The following ATL1 variants were observed in gnomAD, a reference collection of about 807,000 sequenced individuals.
ATL1 encodes the protein atlastin GTPase 1.
In ATL1, 31 loss-of-function variants were observed where a neutral mutation model predicts 75.5. The observed-to-expected ratio is 0.41, with a 90% CI of 0.31 to 0.55. ATL1 has a LOEUF of 0.55. Among genes scored for constraint, ATL1 ranks in the 20% least tolerant of loss-of-function variants. The pLI is 0.27. For missense variants in ATL1, 405 were observed against 662.6 expected, an observed-to-expected ratio of 0.61 and a Z score of 4.27; for synonymous variants, 226 against 233.3, an observed-to-expected ratio of 0.97 and a Z score of 0.28.
intron 6 of ATL1, among the ~76,000 whole-genome samples, chr14:50,597,488 C>T (rs772450963): frequency 1.1e-4 from 17 of 151,834 alleles, no homozygotes; most frequent in Non-Finnish European, 1.9e-4. Context: ...TATTTACTAC[C>T]GGAGAGGAGA....
At chr14:50,537,543 C>T (rs1004495899) in intron 1 of ATL1, among the ~76,000 whole-genome samples, 7 of 152,298 alleles carry the variant, frequency 4.6e-5, no homozygotes, top group African/African-American at 7.2e-5. Context: ...CAGCTTGCAC[C>T]GTGCACCTGG....
At chr14:50,572,915 G>T (rs1185402923) in intron 1 of ATL1, among the ~76,000 whole-genome samples, 2 of 152,088 alleles carry the variant, frequency 1.3e-5, no homozygotes, top group Non-Finnish European at 2.9e-5. Context: ...TGCATGGCTG[G>T]GGAGGCCTCA....
intron 1 of ATL1, among the ~76,000 whole-genome samples, chr14:50,538,049 G>A (rs2038516057): frequency 6.6e-6 from 1 of 152,208 alleles, no homozygotes; most frequent in African/African-American, 2.4e-5. Flanking sequence ...TGGTTTGGCT[G>A]TGTGCCCACC....
chr14:50,571,206 A>G (rs1383504600), intron 1 of ATL1, among the ~76,000 whole-genome samples: 2 of 152,162 alleles, frequency 1.3e-5, no homozygotes, highest in Non-Finnish European at 2.9e-5. Flanking sequence ...AGCAGCAATT[A>G]TCAACCAGAA....
At chr14:50,568,675 A>T (rs2038927021) in intron 1 of ATL1, among the ~76,000 whole-genome samples, 1 of 152,176 alleles carries the variant, frequency 6.6e-6, no homozygotes, top group South Asian at 2.1e-4. Flanking sequence ...CATTTAAAGT[A>T]ATTACTGATA....
chr14:50,601,306 A>G (rs1182085494), intron 6 of ATL1, among the ~76,000 whole-genome samples: 1 of 152,204 alleles, frequency 6.6e-6, no homozygotes, highest in East Asian at 1.9e-4. Flanking sequence ...TCAAGCTGTA[A>G]TCAAGCAAAC....
rs2039457117 is a variant in ATL1, at chr14:50,620,497, T to C, written c.863-102T>C. 7.1e-6 allele frequency: 9 copies of C among 1,269,354 alleles called. No homozygotes were observed. The Admixed American group carries it at 1.7e-4, about 24-fold the overall frequency. 78.6% of individuals were successfully genotyped at this position (1,269,354 alleles called of 1,614,324 possible). A position where few individuals can be genotyped will look rare whatever the true frequency, so the allele number is the denominator to read the frequency against. On this transcript the variant is annotated intron_variant, in intron 8 of 13. Transcript: ENST00000358385. ...GATGGGGAAGTGAGTGATGGCATTA[T>C]CACTGGGGAGGAAATGGGGGAGATC...
At chr14:50,552,130 A>C (rs2038710384) in intron 1 of ATL1, among the ~76,000 whole-genome samples, 1 of 152,158 alleles carries the variant, frequency 6.6e-6, no homozygotes, top group Non-Finnish European at 1.5e-5. Context: ...CTCATCCAAA[A>C]ATCTAGACCT....
chr14:50,535,503 C>T (rs766736136), intron 1 of ATL1, among the ~76,000 whole-genome samples: 1 of 152,184 alleles, frequency 6.6e-6, no homozygotes, highest in Non-Finnish European at 1.5e-5. Context: ...CTCTATAGAT[C>T]TGTTAAACAG....
chr14:50,570,954 C>T (rs2038949986), intron 1 of ATL1, among the ~76,000 whole-genome samples: 1 of 152,162 alleles, frequency 6.6e-6, no homozygotes, highest in Non-Finnish European at 1.5e-5. Context: ...CTTTTCTGAG[C>T]CTGTGCCTTT....
rs373451667 is a variant in ATL1 at position 50,599,874 on chromosome 14, A to C, written c.630+4242A>C. On this transcript the variant is annotated intron_variant, in intron 6 of 13. Coordinates refer to ENST00000358385, the MANE Select transcript of ATL1 (RefSeq NM_015915.5). ...TGTATGCTGTGATGAAGGGGTATGA[A>C]TTCTCCTGAGGGCTCAGGAACCTGG... is the stretch of plus-strand genomic sequence containing the variant. 6.6e-5 allele frequency among the ~76,000 whole-genome samples: 10 copies of C among 152,216 alleles called. No homozygotes were observed. In the South Asian group the frequency reaches 2.1e-3, roughly 32 times the overall value.
At chr14:50,534,237 CACTT>C (rs1257240868) in intron 1 of ATL1, among the ~76,000 whole-genome samples, 4 of 152,118 alleles carry the variant, frequency 2.6e-5, no homozygotes, top group Admixed American at 1.3e-4. Flanking sequence ...ACACAGAAAA[CACTT>C]ACTATAAAAC....
At chr14:50,549,021 C>T (rs1317500575) in intron 1 of ATL1, among the ~76,000 whole-genome samples, 2 of 152,176 alleles carry the variant, frequency 1.3e-5, no homozygotes, top group Non-Finnish European at 2.9e-5. Flanking sequence ...GCAGAAATGG[C>T]ATGCCTGTCT....
intron 1 of ATL1, among the ~76,000 whole-genome samples, chr14:50,543,093 T>TG (rs1172898907): frequency 6.6e-6 from 1 of 152,216 alleles, no homozygotes; most frequent in Non-Finnish European, 1.5e-5. Context: ...TACAAGAAGA[T>TG]CTGTTCTCCA....
At chr14:50,632,018 T>G in intron 13 of ATL1, 1 of 390,614 alleles carries the variant, frequency 2.6e-6, no homozygotes, top group South Asian at 3.6e-5. Context: ...AATAAAACAT[T>G]CACCACACAG....
intron 11 of ATL1, among the ~76,000 whole-genome samples, chr14:50,627,147 A>G (rs541140700): frequency 6.6e-6 from 1 of 152,226 alleles, no homozygotes; most frequent in African/African-American, 2.4e-5. Context: ...ACACCACCCT[A>G]ATCAGTCAGC....
intron 1 of ATL1, among the ~76,000 whole-genome samples, chr14:50,580,480 ATGTC>A (rs2039045297): frequency 6.6e-6 from 1 of 152,100 alleles, no homozygotes; most frequent in Admixed American, 6.6e-5. Context: ...AAATAATCAT[ATGTC>A]TGTCTCTGTT....
rs572763160 is a variant in ATL1 at position 50,628,553 on chromosome 14, T to A, written c.1551+91T>A. 2.3e-4 allele frequency: 305 copies of A among 1,351,990 alleles called. 1 individual carries two copies. Among genetic ancestry groups the A allele is most frequent in the Middle Eastern group, 1.4e-3 (8 of 5,580 alleles). 83.7% of individuals were successfully genotyped at this position (1,351,990 alleles called of 1,614,324 possible). A position where few individuals can be genotyped will look rare whatever the true frequency, so the allele number is the denominator to read the frequency against. On this transcript the variant is annotated intron_variant, in intron 12 of 13. Transcript: ENST00000358385. ...CTGCATTAGATGTTGGAAATACAGATCAACAGGAATTGGGCCCCAGTCATC... is the reference window on the plus strand; with the variant it reads ...CTGCATTAGATGTTGGAAATACAGAACAACAGGAATTGGGCCCCAGTCATC...
intron 1 of ATL1, among the ~76,000 whole-genome samples, chr14:50,582,162 G>T (rs1339775576): frequency 1.3e-5 from 2 of 151,612 alleles, no homozygotes; most frequent in Non-Finnish European, 2.9e-5. Flanking sequence ...CGTGCCTGTA[G>T]TTCCAGATAC....
Sources: gnomAD v4.1 joint callset for allele counts (sites outside exome capture counted in the v4.1 genomes callset) on GRCh38, gnomAD v4.1.1 for gene constraint, MANE v1.5 for transcripts, NCBI Gene and HGNC (gene_info 2026-07-23, HGNC 2026-07-21) for gene names.